Variants in COL8A1 observed in about 807,000 individuals in gnomAD.
COL8A1 encodes the protein collagen type VIII alpha 1 chain, also known as collagen alpha-1(VIII) chain.
COL8A1 carries 21 observed loss-of-function variants against 42.7 expected under a neutral mutation model. The ratio of observed to expected loss-of-function variants is 0.49; its 90% CI spans 0.35 to 0.71. The LOEUF is 0.71. COL8A1 is among the 30% of genes least tolerant of loss of function. The pLI is 0.01. For synonymous variants in COL8A1, 367 were observed against 369.1 expected, an observed-to-expected ratio of 0.99 and a Z score of 0.06; for missense variants, 788 against 962.4, an observed-to-expected ratio of 0.82 and a Z score of 2.40.
chr3:99,709,166 A>T (rs1357953032), intron 1 of COL8A1, among the ~76,000 whole-genome samples: 2 of 151,376 alleles, frequency 1.3e-5, no homozygotes, highest in African/African-American at 4.9e-5. Context: ...GACCTTTTTC[A>T]CTCTCAAGGC....
chr3:99,707,603 G>A lies in COL8A1; in HGVS notation c.-128-37294G>A, dbSNP rs573014120. 7.2e-5 allele frequency among the ~76,000 whole-genome samples: 11 copies of A among 152,290 alleles called. No homozygotes were observed. The South Asian group carries it at 1.7e-3, about 23-fold the overall frequency. On this transcript the variant is annotated intron_variant, in intron 1 of 3. Coordinates refer to ENST00000652472, the MANE Select transcript of COL8A1 (RefSeq NM_020351.4). ...GTCCTCTTGATTTTGGTCCCTATTCGCTAGGTAAGAGTTTAGGGAAGACAG... is the reference window on the plus strand; with the variant it reads ...GTCCTCTTGATTTTGGTCCCTATTCACTAGGTAAGAGTTTAGGGAAGACAG...
At position 99,673,273 on chromosome 3, in the gene COL8A1, A is replaced by G. The variant is rs1483525848; in HGVS notation, c.-129+34609A>G. Among the ~76,000 whole-genome samples the G allele has an allele frequency of 4.6e-5, 7 of 152,112 alleles. No homozygotes were observed. In the East Asian group the frequency reaches 1.3e-3, roughly 29 times the overall value. On this transcript the variant is annotated intron_variant, in intron 1 of 3. Transcript: ENST00000652472. ...CATGTGATTACTGAATGGGCAACAC[A>G]TAGCTCAGTATCACTTACTTTGATG...
At chr3:99,726,721 T>C (rs1187328460) in intron 1 of COL8A1, among the ~76,000 whole-genome samples, 1 of 151,876 alleles carries the variant, frequency 6.6e-6, no homozygotes, top group Non-Finnish European at 1.5e-5. Context: ...CAGATAGTTG[T>C]AGATATGCGG....
At position 99,795,490 on chromosome 3, in the gene COL8A1, C is replaced by A; in HGVS notation, c.1589C>A (p.Pro530His). 6.4e-7 allele frequency: 1 copy of A among 1,565,728 alleles called. No homozygotes were observed. The highest frequency in any genetic ancestry group is 2.4e-5 in the East Asian group (1 of 42,292). The change falls in exon 4 of 4, where the codon CCT becomes CAT. Residue 530 changes from proline (P) to histidine (H), a missense_variant. This residue lies in a region of COL8A1 where 154 missense variants were observed against 182.3 expected (regional missense o/e 0.84). Coordinates refer to ENST00000652472, the MANE Select transcript of COL8A1 (RefSeq NM_020351.4). The stretch of plus-strand genomic sequence containing the variant: ...GGCCTCCCAGGGCCCCCTGGGTTCC[C>A]TGGTATAGGGAAACCCGGAGTGGCA... ...EPGLPGPPGF[P>H]GIGKPGVAGL...
intron 1 of COL8A1, among the ~76,000 whole-genome samples, chr3:99,658,721 A>T (rs895945427): frequency 6.6e-6 from 1 of 152,242 alleles, no homozygotes; most frequent in African/African-American, 2.4e-5. Context: ...GTCTAGGAAA[A>T]GTGAGTGGCC....
chr3:99,680,567 C>T (rs937665347), intron 1 of COL8A1: 1 of 152,136 alleles, frequency 6.6e-6, no homozygotes, highest in Admixed American at 6.6e-5. Flanking sequence ...TGAGGAATCG[C>T]CACACTGTCT....
chr3:99,643,436 T>C (rs535361514), intron 1 of COL8A1, among the ~76,000 whole-genome samples: 1 of 152,336 alleles, frequency 6.6e-6, no homozygotes, highest in Non-Finnish European at 1.5e-5. Flanking sequence ...AAATCTGTGT[T>C]GAGTGGGTGA....
intron 1 of COL8A1, among the ~76,000 whole-genome samples, chr3:99,701,815 G>C (rs1199762686): frequency 6.6e-6 from 1 of 152,076 alleles, no homozygotes; most frequent in African/African-American, 2.4e-5. Context: ...GACAGGGCCA[G>C]GACTTCTGAT....
chr3:99,706,653 C>T (rs975288222), intron 1 of COL8A1, among the ~76,000 whole-genome samples: 3 of 152,300 alleles, frequency 2.0e-5, no homozygotes, highest in Admixed American at 1.3e-4. Context: ...CAGAGTTTGT[C>T]GGCTGCCTTC....
intron 1 of COL8A1, among the ~76,000 whole-genome samples, chr3:99,654,657 G>T (rs1363256173): frequency 1.3e-5 from 2 of 152,016 alleles, no homozygotes; most frequent in Non-Finnish European, 2.9e-5. Context: ...GTGTGGTGGT[G>T]CATGCCTGTA....
chr3:99,717,834 A>G (rs1940046062), intron 1 of COL8A1, among the ~76,000 whole-genome samples: 2 of 152,038 alleles, frequency 1.3e-5, no homozygotes, highest in Non-Finnish European at 1.5e-5. Context: ...GGAATTGCTC[A>G]ATTCAGATAC....
intron 2 of COL8A1, among the ~76,000 whole-genome samples, chr3:99,779,247 G>A (rs1242796858): frequency 6.6e-6 from 1 of 152,082 alleles, no homozygotes; most frequent in Non-Finnish European, 1.5e-5. Context: ...GAATTTTTTA[G>A]ACATAACTGT....
chr3:99,794,488 A>G lies in COL8A1; in HGVS notation c.587A>G (p.Gln196Arg). ...GGGCCTATGGGGATCCCAGGACCAC[A>G]AGGACCTCCAGGGCCTCATGGACTT... The part of the protein sequence containing the change: ...EIGPMGIPGP[Q>R]GPPGPHGLPG... The change falls in exon 4 of 4, where the codon CAA (glutamine) becomes CGA (arginine). Residue 196 changes from glutamine to arginine, a missense_variant. Coordinates refer to ENST00000652472, the MANE Select transcript of COL8A1 (RefSeq NM_020351.4). This position sits in a 1 kb window ranked among gnomAD's most constrained non-coding sequence, Gnocchi z 4.3. The G allele has an allele frequency of 6.2e-7, 1 of 1,613,992 alleles. No individual in the cohort carries two copies. The highest frequency in any genetic ancestry group is 8.5e-7 in the Non-Finnish European group (1 of 1,179,930).
intron 1 of COL8A1, among the ~76,000 whole-genome samples, chr3:99,693,162 C>A (rs1292395657): frequency 6.6e-6 from 1 of 152,098 alleles, no homozygotes; most frequent in Non-Finnish European, 1.5e-5. Flanking sequence ...GCACTCCAGC[C>A]TGGGCGACAG....
intron 2 of COL8A1, among the ~76,000 whole-genome samples, chr3:99,765,370 G>T (rs1210759313): frequency 1.3e-5 from 2 of 152,172 alleles, no homozygotes; most frequent in African/African-American, 4.8e-5. Flanking sequence ...ATTCAGCAAA[G>T]GGTATCTAGT....
At chr3:99,790,505 TTTTG>T (rs1267156580) in intron 2 of COL8A1, among the ~76,000 whole-genome samples, 171 bp from the exon 3 acceptor site, 3 of 152,214 alleles carry the variant, frequency 2.0e-5, no homozygotes, top group Admixed American at 6.5e-5. Context: ...ATTCTCTATT[TTTTG>T]TTTGTTTGTT....
At chr3:99,792,593 T>C (rs377519836) in intron 3 of COL8A1, among the ~76,000 whole-genome samples, 1 of 152,168 alleles carries the variant, frequency 6.6e-6, no homozygotes, top group Non-Finnish European at 1.5e-5. Context: ...AGTGTGGCTG[T>C]ATTATTCTTA....
intron 1 of COL8A1, among the ~76,000 whole-genome samples, chr3:99,674,802 C>T (rs1938645149): frequency 6.6e-6 from 1 of 152,056 alleles, no homozygotes. Flanking sequence ...TTAATGAATG[C>T]TACAGAGACT....
chr3:99,670,296 A>G lies in COL8A1; in HGVS notation c.-129+31632A>G, dbSNP rs1222834359. On this transcript the variant is annotated intron_variant, in intron 1 of 3. Coordinates refer to ENST00000652472, the MANE Select transcript of COL8A1 (RefSeq NM_020351.4). Reference sequence around the variant, plus strand: ...CTTTTTTCATCTCAAGTATGTTTGCATGAAATACATTGAATAGAACTACAC... The same window carrying G: ...CTTTTTTCATCTCAAGTATGTTTGCGTGAAATACATTGAATAGAACTACAC... Among the ~76,000 whole-genome samples, 3 of 152,096 alleles carry G rather than the reference A, an allele frequency of 2.0e-5. No individual in the cohort carries two copies. In the South Asian group the frequency reaches 6.2e-4, roughly 31 times the overall value.
Sources: allele counts gnomAD v4.1 joint callset (sites outside exome capture counted in the v4.1 genomes callset), GRCh38; gene constraint gnomAD v4.1.1; regional missense constraint gnomAD v4.1.1; non-coding constraint Gnocchi (gnomAD v3.1); transcripts MANE v1.5; gene names NCBI Gene and HGNC (gene_info 2026-07-23, HGNC 2026-07-21).